QNG1: variants seen among roughly 807,000 people sequenced by gnomAD.
The protein encoded by QNG1 is Q-nucleotide N-glycosylase 1.
the QNG1 span, among the ~76,000 whole-genome samples, chr9:83,941,457 C>T: frequency 2.6e-5 from 4 of 152,062 alleles, no homozygotes; most frequent in African/African-American, 7.2e-5. Flanking sequence ...TGGTATGCAC[C>T]TCTAGTAGCC....
At chr9:83,954,435 A>T in the QNG1 span, among the ~76,000 whole-genome samples, 1 of 152,156 alleles carries the variant, frequency 6.6e-6, no homozygotes, top group East Asian at 1.9e-4. Context: ...AAAAAAACTT[A>T]GCCAGGTGTG....
the QNG1 span, chr9:83,938,572 A>G: frequency 3.9e-5 from 6 of 152,178 alleles, no homozygotes; most frequent in Admixed American, 3.9e-4. Flanking sequence ...ATGAAATATT[A>G]TCACTGAAGA....
the QNG1 span, chr9:83,945,113 T>C: frequency 2.5e-6 from 2 of 815,226 alleles, no homozygotes; most frequent in Non-Finnish European, 3.6e-6. Flanking sequence ...TGGTAAGAAT[T>C]TATAGATTGG....
At chr9:83,944,176 A>C in the QNG1 span, among the ~76,000 whole-genome samples, 1 of 152,236 alleles carries the variant, frequency 6.6e-6, no homozygotes, top group African/African-American at 2.4e-5. Flanking sequence ...AAAAAGTAGC[A>C]GAAAATTTTG....
chr9:83,945,395 T>C, the QNG1 span, among the ~76,000 whole-genome samples: 1 of 128,744 alleles, frequency 7.8e-6, no homozygotes, highest in Non-Finnish European at 1.7e-5. Context: ...AGGGAGACCC[T>C]GTCTCAAAAA....
chr9:83,955,482 A>C, the QNG1 span: 1 of 1,614,200 alleles, frequency 6.2e-7, no homozygotes, highest in Non-Finnish European at 8.5e-7. Flanking sequence ...TTGAGAAAAG[A>C]GCCTCCAAAC....
the QNG1 span, among the ~76,000 whole-genome samples, chr9:83,943,271 C>T: frequency 1.1e-4 from 14 of 129,906 alleles, no homozygotes; most frequent in South Asian, 5.1e-4. Flanking sequence ...ACCTGGGAGG[C>T]GGAGGTTCTG....
chr9:83,942,214 A>G, the QNG1 span, among the ~76,000 whole-genome samples: 1 of 152,338 alleles, frequency 6.6e-6, no homozygotes, highest in African/African-American at 2.4e-5. Flanking sequence ...CTAATGCAGC[A>G]ACTTACAGTA....
At chr9:83,956,679 G>T in the QNG1 span, 1 of 505,430 alleles carries the variant, frequency 2.0e-6, no homozygotes, top group Non-Finnish European at 3.3e-6. Flanking sequence ...CCGCGGCGTT[G>T]CCCTGATTAG....
At chr9:83,952,946 T>G in the QNG1 span, among the ~76,000 whole-genome samples, 1 of 141,026 alleles carries the variant, frequency 7.1e-6, no homozygotes, top group African/African-American at 2.7e-5. Flanking sequence ...GGTGACAGAG[T>G]GAGACTCTGT....
the QNG1 span, among the ~76,000 whole-genome samples, chr9:83,950,681 C>G: frequency 1.0e-3 from 153 of 150,150 alleles, 3 homozygotes; most frequent in South Asian, 8.8e-3. Flanking sequence ...TCACTGCTGC[C>G]TTGACCTCCT....
chr9:83,943,825 T>C, the QNG1 span, among the ~76,000 whole-genome samples: 1 of 150,988 alleles, frequency 6.6e-6, no homozygotes, highest in East Asian at 2.0e-4. Flanking sequence ...ATCGAGACCA[T>C]CCTGGCTAAC....
the QNG1 span, among the ~76,000 whole-genome samples, chr9:83,946,890 T>C: frequency 6.6e-6 from 1 of 152,026 alleles, no homozygotes; most frequent in African/African-American, 2.4e-5. Context: ...TGAGCCACCA[T>C]GCCTGGCCTA....
At chr9:83,951,254 T>TCAAAAAA in the QNG1 span, among the ~76,000 whole-genome samples, 4 of 149,848 alleles carry the variant, frequency 2.7e-5, no homozygotes, top group Admixed American at 6.7e-5. Flanking sequence ...AGACTCCATC[T>TCAAAAAA]CAAAAAACAA....
the QNG1 span, among the ~76,000 whole-genome samples, chr9:83,943,288 C>T: frequency 7.4e-6 from 1 of 135,674 alleles, no homozygotes; most frequent in Non-Finnish European, 1.5e-5. Context: ...TCTGGTGAGC[C>T]GAGATCACGC....
chr9:83,942,487 G>C, the QNG1 span, among the ~76,000 whole-genome samples: 1 of 152,164 alleles, frequency 6.6e-6, no homozygotes, highest in Non-Finnish European at 1.5e-5. Context: ...CCAGATGAGG[G>C]GAGAAGGGAA....
the QNG1 span, among the ~76,000 whole-genome samples, chr9:83,950,115 T>G: frequency 6.6e-6 from 1 of 150,810 alleles, no homozygotes; most frequent in Non-Finnish European, 1.5e-5. Flanking sequence ...AATGGTGCAA[T>G]CTCGGCTCAC....
chr9:83,953,346 CT>C, the QNG1 span, among the ~76,000 whole-genome samples: 1,717 of 143,822 alleles, frequency 0.012, 26 homozygotes, highest in East Asian at 0.028. Flanking sequence ...CAATTGAATT[CT>C]TTTTTTTTTT....
chr9:83,951,863 G>A, the QNG1 span, among the ~76,000 whole-genome samples: 1 of 152,116 alleles, frequency 6.6e-6, no homozygotes, highest in Non-Finnish European at 1.5e-5. Context: ...GGAAATCACT[G>A]ATCTAAATCT....
Sources: allele counts gnomAD v4.1 joint callset (sites outside exome capture counted in the v4.1 genomes callset), GRCh38; gene constraint gnomAD v4.1.1; transcripts MANE v1.5; gene names NCBI Gene and HGNC (gene_info 2026-07-23, HGNC 2026-07-21).